The following UBA2 variants were observed in gnomAD, a reference collection of about 807,000 sequenced individuals.
UBA2 encodes the protein ubiquitin like modifier activating enzyme 2.
A neutral mutation model predicts 77.2 loss-of-function variants in UBA2; 11 were observed. That is an observed-to-expected ratio of 0.14 (90% CI 0.09 to 0.24). The LOEUF (loss-of-function observed/expected upper bound fraction) is 0.24, where lower values mean the gene tolerates loss of function less well. UBA2 is among the 10% of genes least tolerant of loss of function. The pLI is 1.00. For missense variants in UBA2, 487 were observed against 781.7 expected, an observed-to-expected ratio of 0.62 and a Z score of 4.50; for synonymous variants, 278 against 276.7, an observed-to-expected ratio of 1.00 and a Z score of -0.05.
chr19:34,434,375 C>T (rs1232758198), intron 4 of UBA2, among the ~76,000 whole-genome samples: 1 of 152,206 alleles, frequency 6.6e-6, no homozygotes, highest in African/African-American at 2.4e-5. Flanking sequence ...CTCAGCCTCC[C>T]AGAATGCTGA....
At chr19:34,438,518 T>C in intron 5 of UBA2, 127 bp from the exon 6 acceptor site, 1 of 1,162,618 alleles carries the variant, frequency 8.6e-7, no homozygotes, top group Non-Finnish European at 1.2e-6. Flanking sequence ...GAGTCACTAA[T>C]ATTTTAAAAT....
intron 6 of UBA2, among the ~76,000 whole-genome samples, chr19:34,439,676 A>G (rs2075347245): frequency 6.6e-6 from 1 of 152,012 alleles, no homozygotes; most frequent in African/African-American, 2.4e-5. Context: ...CAAAAAATAG[A>G]AAAATGAGCC....
intron 15 of UBA2, 92 bp downstream of exon 15, chr19:34,464,223 C>A: frequency 1.2e-6 from 1 of 851,598 alleles, no homozygotes; most frequent in Non-Finnish European, 1.9e-6. Flanking sequence ...ATCCTTAAAC[C>A]CTGCTGTTCA....
intron 2 of UBA2, among the ~76,000 whole-genome samples, chr19:34,431,655 G>T (rs527700701): frequency 2.0e-5 from 3 of 152,000 alleles, no homozygotes; most frequent in East Asian, 3.9e-4. Context: ...GGTCAGGGGG[G>T]GCTCTCCGGT....
At chr19:34,450,200 A>G (rs2075477296) in intron 8 of UBA2, 65 bp from the exon 9 acceptor site, 13 of 1,088,518 alleles carry the variant, frequency 1.2e-5, no homozygotes, top group Non-Finnish European at 1.8e-5. Context: ...ATCAGCAATG[A>G]CGTTTTCTTG....
intron 13 of UBA2, among the ~76,000 whole-genome samples, chr19:34,459,883 G>A (rs889039856): frequency 6.6e-6 from 1 of 152,156 alleles, no homozygotes; most frequent in Admixed American, 6.5e-5. Flanking sequence ...GTACAGCAGC[G>A]GGTGGTTGCC....
At chr19:34,467,161 A>G in intron 16 of UBA2, 147 bp downstream of exon 16, 2 of 991,892 alleles carry the variant, frequency 2.0e-6, no homozygotes, top group Non-Finnish European at 2.9e-6. Context: ...GGAGCTTTGA[A>G]TTTATGAACC....
chr19:34,469,088 C>T lies in UBA2; in HGVS notation c.1790C>T (p.Ser597Phe). The T allele has an allele frequency of 6.2e-7, 1 of 1,611,358 alleles. No homozygotes were observed. The change falls in exon 17 of 17, where the codon TCT becomes TTT. Residue 597 changes from serine to phenylalanine, a missense_variant. Physicochemically the swap from Ser to Phe is radical, Grantham distance 155. Coordinates refer to ENST00000246548, the MANE Select transcript of UBA2 (RefSeq NM_005499.3). The stretch of plus-strand genomic sequence containing the variant: ...ATAGTTGATTCAGATGAAGAAGATT[C>T]TTCAAATAATGCCGACGTCAGTGAA... ...VLIVDSDEED[S>F]SNNADVSEEE...
At chr19:34,438,592 T>A in intron 5 of UBA2, 53 bp from the exon 6 acceptor site, 1 of 1,604,630 alleles carries the variant, frequency 6.2e-7, no homozygotes, top group Non-Finnish European at 8.5e-7. Context: ...TACCTTATAA[T>A]GTTGAGAAAC....
intron 7 of UBA2, among the ~76,000 whole-genome samples, chr19:34,444,700 G>T (rs1447007591): frequency 6.6e-6 from 1 of 152,232 alleles, no homozygotes; most frequent in Non-Finnish European, 1.5e-5. Flanking sequence ...CCAACTACTT[G>T]TGAGGTTGAG....
At chr19:34,435,812 G>A (rs545173287) in intron 5 of UBA2, among the ~76,000 whole-genome samples, 24 of 142,616 alleles carry the variant, frequency 1.7e-4, no homozygotes, top group Non-Finnish European at 2.6e-4. Flanking sequence ...GGGCAACAGA[G>A]TGAGACTCCA....
At chr19:34,449,226 C>T (rs147560800) in intron 8 of UBA2, among the ~76,000 whole-genome samples, 4 of 151,976 alleles carry the variant, frequency 2.6e-5, no homozygotes, top group Middle Eastern at 3.4e-3. Flanking sequence ...CGCGCCACGA[C>T]GCCCAGCTGA....
intron 7 of UBA2, 32 bp downstream of exon 7, chr19:34,443,943 G>A: frequency 2.8e-6 from 4 of 1,432,408 alleles, no homozygotes; most frequent in Non-Finnish European, 3.9e-6. Flanking sequence ...TGTTTTATCA[G>A]ATACTATTAT....
chr19:34,428,689 G>A, intron 1 of UBA2, 119 bp downstream of exon 1: 2 of 1,210,904 alleles, frequency 1.7e-6, no homozygotes, highest in African/African-American at 1.6e-5. Flanking sequence ...CGGAGTTGCG[G>A]AGCGGGGGCA....
In UBA2 at chr19:34,469,079, A is replaced by G. The variant is rs755107690; in HGVS notation, c.1781A>G (p.Glu594Gly). Residue 594 changes from glutamate (E) to glycine (G), a missense_variant, in exon 17 of 17, where the codon GAA becomes GGA. Around this residue, in one of 9 missense-constraint regions of UBA2, gnomAD observed 40 missense variants for 36.6 expected, o/e 1.09. Coordinates refer to ENST00000246548, the MANE Select transcript of UBA2 (RefSeq NM_005499.3). ...GACGTTCTCATAGTTGATTCAGATG[A>G]AGAAGATTCTTCAAATAATGCCGAC... ...QDDVLIVDSD[E>G]EDSSNNADVS... The G allele has an allele frequency of 6.2e-7, 1 of 1,610,350 alleles. No individual in the cohort carries two copies. Among genetic ancestry groups the G allele is most frequent in the South Asian group, 1.1e-5 (1 of 90,088 alleles).
At chr19:34,467,146 G>C (rs542053673) in intron 16 of UBA2, 132 bp downstream of exon 16, 1 of 1,096,480 alleles carries the variant, frequency 9.1e-7, no homozygotes, top group Non-Finnish European at 1.3e-6. Context: ...ATTGATTGTT[G>C]TAATGGAGCT....
At chr19:34,468,592 C>T (rs530789212) in intron 16 of UBA2, among the ~76,000 whole-genome samples, 4 of 152,166 alleles carry the variant, frequency 2.6e-5, no homozygotes, top group Non-Finnish European at 5.9e-5. Context: ...CACTGAGTTT[C>T]CTTTCCTGGA....
At chr19:34,432,021 AT>A (rs1408141813) in intron 3 of UBA2, 90 bp downstream of exon 3, 5 of 1,024,162 alleles carry the variant, frequency 4.9e-6, no homozygotes, top group Admixed American at 2.4e-5. Flanking sequence ...TTTAAAAAAA[AT>A]GATTTTTCTA....
intron 5 of UBA2, among the ~76,000 whole-genome samples, chr19:34,435,981 G>A (rs900684983): frequency 5.3e-5 from 8 of 151,890 alleles, no homozygotes; most frequent in Non-Finnish European, 1.2e-4. Flanking sequence ...ATCAGCGGGC[G>A]TGGTGGTGTG....
Sources: gnomAD v4.1 joint callset for allele counts (sites outside exome capture counted in the v4.1 genomes callset) on GRCh38, gnomAD v4.1.1 for gene constraint, gnomAD v4.1.1 regional missense constraint, MANE v1.5 for transcripts, NCBI Gene and HGNC (gene_info 2026-07-23, HGNC 2026-07-21) for gene names.